GTPBP3: variants seen among roughly 807,000 people sequenced by gnomAD.
The protein encoded by GTPBP3 is 5-taurinomethyluridine-[tRNA] synthase subunit GTPB3, mitochondrial.
In GTPBP3, 35 loss-of-function variants were observed where a neutral mutation model predicts 42.0. The ratio of observed to expected loss-of-function variants is 0.83; its 90% confidence interval spans 0.64 to 1.10. The LOEUF (loss-of-function observed/expected upper bound fraction) is 1.10, where lower values mean the gene tolerates loss of function less well. Ranked by LOEUF, GTPBP3 falls within the 50% of genes least tolerant of loss-of-function variation. The probability of loss-of-function intolerance (pLI) is 0.00; values close to 1 mark genes in which losing one functional copy is unlikely to be tolerated. For missense variants in GTPBP3, 691 were observed against 685.2 expected, an observed-to-expected ratio of 1.01 and a Z score of -0.09; for synonymous variants, 332 against 314.9, an observed-to-expected ratio of 1.05 and a Z score of -0.58.
chr19:17,339,559 GGGCCCGTGGAGCAGGAGGGCGTGC>G lies in GTPBP3; in HGVS notation c.938_961del (p.Pro313_Arg320del). The stretch of plus-strand genomic sequence containing the variant: ...CACGGCTGGGTTGCGGGAGGGCGTG[GGGCCCGTGGAGCAGGAGGGCGTGC>G]GGCGCGCCCGGGAGAGGTGGGCGGA... On this transcript the variant is annotated inframe_deletion, in exon 7 of 9. Transcript: ENST00000324894. 1.2e-6 allele frequency: 2 copies of G among 1,612,572 alleles called. No homozygotes were observed. Among genetic ancestry groups the G allele is most frequent in the Non-Finnish European group, 1.7e-6 (2 of 1,179,682 alleles).
chr19:17,337,638 G>A lies in GTPBP3; in HGVS notation c.27G>A (p.Ala9=), dbSNP rs866944289. Residue 9 remains alanine, a synonymous_variant, in exon 1 of 9, where the codon GCG becomes GCA. Transcript: ENST00000324894. The part of the protein sequence containing the change: MWRGLWTL[A]AQAARGPRRL... ...TGTGGCGGGGGCTTTGGACCCTGGC[G>A]GCCCAAGCGGCACGTGGGCCTCGCA... 1 of 1,330,996 alleles carries A rather than the reference G, an allele frequency of 7.5e-7. No individual in the cohort carries two copies. 82.4% of individuals were successfully genotyped at this position (1,330,996 alleles called of 1,614,324 possible).
intron 4 of GTPBP3, 95 bp from the exon 5 acceptor site, chr19:17,338,859 G>T (rs950470920): frequency 6.5e-7 from 1 of 1,531,992 alleles, no homozygotes; most frequent in Non-Finnish European, 8.8e-7. Context: ...CCTATGAGCC[G>T]CCATTCTGGC....
At chr19:17,335,152 G>A (rs1424050997), upstream of GTPBP3, 1 of 1,535,370 alleles carries the variant, frequency 6.5e-7, no homozygotes, top group East Asian at 2.4e-5. Flanking sequence ...ACGTGGGAGG[G>A]GCGGGCCGGT....
In GTPBP3 at chr19:17,339,201, CA is replaced by C; in HGVS notation, c.744del (p.Val250CysfsTer3). 1 of 1,613,476 alleles carries C rather than the reference CA, an allele frequency of 6.2e-7. No homozygotes were observed. The highest frequency in any genetic ancestry group is 8.5e-7 in the Non-Finnish European group (1 of 1,179,982). On this transcript the variant is annotated frameshift_variant, in exon 6 of 9. Transcript: ENST00000324894. LOFTEE classifies it high-confidence loss of function. ...RDARRGQRLR[S>X]GVHVVVTGPP... The stretch of plus-strand genomic sequence containing the variant: ...GCCAGGCGCGGGCAGAGGCTCCGCT[CA>C]GGGGTGCACGTAGTGGTCACTGGAC...
chr19:17,338,137 C>T lies in GTPBP3; in HGVS notation c.183C>T (p.Ala61=), dbSNP rs1258883735. The T allele has an allele frequency of 6.3e-7, 1 of 1,596,286 alleles. No individual in the cohort carries two copies. Among genetic ancestry groups the T allele is most frequent in the Non-Finnish European group, 8.5e-7 (1 of 1,178,160 alleles). Residue 61 remains alanine (A), a synonymous_variant, in exon 2 of 9, where the codon GCC becomes GCT. Coordinates refer to ENST00000324894, the MANE Select transcript of GTPBP3 (RefSeq NM_032620.4). ...CCAGCGGCCCCGCCAGCGGCCACGCCCTCCGAATTCTCACAGCACCCCGAG... is the reference window on the plus strand; with the variant it reads ...CCAGCGGCCCCGCCAGCGGCCACGCTCTCCGAATTCTCACAGCACCCCGAG... The part of the protein sequence containing the change: ...IRTSGPASGH[A]LRILTAPRDL...
chr19:17,338,042 C>A lies in GTPBP3; in HGVS notation c.88C>A (p.Pro30Thr), dbSNP rs1403406090. ...CTRRSSGAPA[P>T]GSGATIFALS... ...GCGCCGGAGCAGCGGCGCACCAGCC[C>A]CCGGCTCCGGCGCCACCATCTTCGC... The change falls in exon 2 of 9, where the codon CCC (proline) becomes ACC (threonine). Residue 30 changes from proline (P) to threonine (T), a missense_variant. Pro to Thr is a conservative substitution (Grantham distance 38). Coordinates refer to ENST00000324894, the MANE Select transcript of GTPBP3 (RefSeq NM_032620.4). 1 of 1,597,942 alleles carries A rather than the reference C, an allele frequency of 6.3e-7. No individual in the cohort carries two copies. The highest frequency in any genetic ancestry group is 1.1e-5 in the South Asian group (1 of 91,016).
At chr19:17,337,401 C>T (rs539197412), upstream of GTPBP3, 14 of 1,029,684 alleles carry the variant, frequency 1.4e-5, no homozygotes, top group African/African-American at 2.2e-4. Flanking sequence ...CTACACCTAC[C>T]TCCATACCGC....
Position 17,338,460 on chromosome 19 carries a change from C to T in GTPBP3, c.388+9C>T, listed in dbSNP as rs1183476907. The T allele has an allele frequency of 6.2e-7, 1 of 1,613,882 alleles. No individual in the cohort carries two copies. The highest frequency in any genetic ancestry group is 2.2e-5 in the East Asian group (1 of 44,886). ...CGTCCTGCAGGCCTTGGGTGAGTTG[C>T]AGCGTTGGGTGAGATGCTTGGTCCT... On this transcript the variant is annotated intron_variant, in intron 3 of 8. Transcript: ENST00000324894.
chr19:17,342,461 T>A lies in GTPBP3; in HGVS notation c.*758T>A, dbSNP rs2074442827. The A allele has an allele frequency of 6.6e-6, 1 of 152,148 alleles. No homozygotes were observed. Among genetic ancestry groups the A allele is most frequent in the South Asian group, 2.1e-4 (1 of 4,832 alleles). 9.4% of individuals were successfully genotyped at this position (152,148 alleles called of 1,614,324 possible). ...TTTTGTATTTTTAGTAGAGACAAGG[T>A]TTCACCATGTTGACCAGGCTGGTCT... On this transcript the variant is annotated 3_prime_UTR_variant, in exon 9 of 9. Transcript: ENST00000324894.
In GTPBP3 at chr19:17,338,116, C is replaced by T. The variant is rs868677737; in HGVS notation, c.162C>T (p.Ser54=). Residue 54 remains serine (S), a synonymous_variant, in exon 2 of 9, where the codon AGC becomes AGT. Transcript: ENST00000324894. ...GRCGIAVIRT[S]GPASGHALRI... ...GCGGCATCGCAGTGATCCGGACCAG[C>T]GGCCCCGCCAGCGGCCACGCCCTCC... The T allele has an allele frequency of 6.3e-7, 1 of 1,586,644 alleles. No homozygotes were observed. Among genetic ancestry groups the T allele is most frequent in the Non-Finnish European group, 8.5e-7 (1 of 1,174,502 alleles).
intron 6 of GTPBP3, 50 bp downstream of exon 6, chr19:17,339,316 A>G: frequency 6.3e-7 from 1 of 1,581,520 alleles, no homozygotes. Context: ...GGGCGGGGCC[A>G]AGAGCTGGGT....
At position 17,341,689 on chromosome 19, in the gene GTPBP3, T is replaced by C. The variant is rs1279809281; in HGVS notation, c.1465T>C (p.Cys489Arg). ...CCTGGACATCATCTTCCAGGACTTCTGTGTGGGCAAGTGACGGGATCCAGG... is the reference window on the plus strand; with the variant it reads ...CCTGGACATCATCTTCCAGGACTTCCGTGTGGGCAAGTGACGGGATCCAGG... The part of the protein sequence containing the change: ...EILDIIFQDF[C>R]VGK The change falls in exon 9 of 9, where the codon TGT (cysteine) becomes CGT (arginine). Residue 489 changes from cysteine (C) to arginine (R), a missense_variant. By Grantham distance (180) the Cys-to-Arg change is radical. Transcript: ENST00000324894. The C allele has an allele frequency of 1.3e-6, 2 of 1,582,510 alleles. No individual in the cohort carries two copies. Among genetic ancestry groups the C allele is most frequent in the Non-Finnish European group, 1.7e-6 (2 of 1,158,766 alleles).
chr19:17,339,350 A>G, intron 6 of GTPBP3, 84 bp downstream of exon 6: 5 of 1,584,762 alleles, frequency 3.2e-6, no homozygotes, highest in Admixed American at 1.7e-5. Flanking sequence ...GTTCAGGTCT[A>G]AAGCTCCCTC....
intron 6 of GTPBP3, 67 bp from the exon 7 acceptor site, chr19:17,339,367 T>G (rs1047735559): frequency 2.5e-6 from 4 of 1,591,244 alleles, no homozygotes; most frequent in Non-Finnish European, 3.4e-6. Context: ...CCTCCAGACA[T>G]GGGGTAGAAC....
At chr19:17,335,006 G>A, upstream of GTPBP3, 2 of 1,536,010 alleles carry the variant, frequency 1.3e-6, no homozygotes, top group Non-Finnish European at 1.7e-6. Context: ...CCGCACTGAT[G>A]GTGCATTCTC....
upstream of GTPBP3, among the ~76,000 whole-genome samples, chr19:17,335,960 C>A (rs1202486575): frequency 2.0e-5 from 3 of 152,136 alleles, no homozygotes; most frequent in South Asian, 2.1e-4. Context: ...CTCGGCCGGG[C>A]GCAGTGGCTC....
At position 17,338,433 on chromosome 19, in the gene GTPBP3, G is replaced by A. The variant is rs549090990; in HGVS notation, c.370G>A (p.Gly124Ser). ...HVHGGPAVVSGVLQALGSVPG... is the reference protein window; with the variant it reads ...HVHGGPAVVSSVLQALGSVPG... ...GCATGGAGGCCCGGCAGTGGTGAGC[G>A]GCGTCCTGCAGGCCTTGGGTGAGTT... Residue 124 changes from glycine to serine, a missense_variant, in exon 3 of 9, where the codon GGC (glycine) becomes AGC (serine). Gly to Ser is a moderately conservative substitution (Grantham distance 56, BLOSUM62 0). Coordinates refer to ENST00000324894, the MANE Select transcript of GTPBP3 (RefSeq NM_032620.4). The A allele has an allele frequency of 5.6e-6, 9 of 1,614,064 alleles. No individual in the cohort carries two copies. Among genetic ancestry groups the A allele is most frequent in the African/African-American group, 1.3e-5 (1 of 75,052 alleles).
At chr19:17,335,173 T>G (rs1372726150), upstream of GTPBP3, 1 of 1,533,910 alleles carries the variant, frequency 6.5e-7, no homozygotes, top group Non-Finnish European at 8.7e-7. Context: ...TGGGGAAGAT[T>G]CCTGGTGACA....
rs879527410 is a variant in GTPBP3 at position 17,341,311 on chromosome 19, G to T, written c.1242G>T (p.Glu414Asp). ...GCCTCCTGGAGGCGCTGAGGAAGGAGCTAGCTGCAGTGTGAGCCCCCTCCC... is the reference window on the plus strand; with the variant it reads ...GCCTCCTGGAGGCGCTGAGGAAGGATCTAGCTGCAGTGTGAGCCCCCTCCC... ...LDGLLEALRK[E>D]LAAVCGDPST... The change falls in exon 8 of 9, where the codon GAG becomes GAT. Residue 414 changes from glutamate to aspartate, a missense_variant. Coordinates refer to ENST00000324894, the MANE Select transcript of GTPBP3 (RefSeq NM_032620.4). 7.5e-6 allele frequency: 12 copies of T among 1,599,782 alleles called. No homozygotes were observed. In the Admixed American group the frequency reaches 1.8e-4, roughly 25 times the overall value.
Sources: gnomAD v4.1 joint callset for allele counts (sites outside exome capture counted in the v4.1 genomes callset) on GRCh38, gnomAD v4.1.1 for gene constraint, MANE v1.5 for transcripts, NCBI Gene and HGNC (gene_info 2026-07-23, HGNC 2026-07-21) for gene names.